CDH13: variants seen among roughly 807,000 people sequenced by gnomAD.
CDH13 encodes the protein cadherin 13, also known as cadherin-13.
Under a neutral mutation model 63.8 loss-of-function variants are expected in CDH13, and 24 were observed. The ratio of observed to expected loss-of-function variants is 0.38; its 90% CI spans 0.27 to 0.53. The LOEUF is 0.53. Ranked by LOEUF, CDH13 falls within the 20% of genes least tolerant of loss-of-function variation. The probability of loss-of-function intolerance (pLI) is 0.85; values close to 1 mark genes in which losing one functional copy is unlikely to be tolerated. For missense variants in CDH13, 1,049 were observed against 903.1 expected, an observed-to-expected ratio of 1.16 and a Z score of -2.07; for synonymous variants, 503 against 355.3, an observed-to-expected ratio of 1.42 and a Z score of -4.67.
chr16:83,124,642 G>C (rs1597378318), intron 3 of CDH13, among the ~76,000 whole-genome samples: 1 of 151,790 alleles, frequency 6.6e-6, no homozygotes, highest in Non-Finnish European at 1.5e-5. Flanking sequence ...TATAGTTGCA[G>C]GTCTTATGTT....
chr16:83,625,194 G>A (rs578112298), intron 8 of CDH13, among the ~76,000 whole-genome samples: 2 of 152,062 alleles, frequency 1.3e-5, no homozygotes, highest in South Asian at 2.1e-4. Flanking sequence ...GTGCTCATGT[G>A]TGTGTGTGCA....
At position 83,762,509 on chromosome 16, in the gene CDH13, A is replaced by G. The variant is rs1914057932; in HGVS notation, c.1681+14259A>G. Among the ~76,000 whole-genome samples, 5 of 152,354 alleles carry G rather than the reference A, an allele frequency of 3.3e-5. No individual in the cohort carries two copies. In the South Asian group the frequency reaches 1.0e-3, roughly 32 times the overall value. On this transcript the variant is annotated intron_variant, in intron 11 of 13. Transcript: ENST00000567109. ...AAGGCAGTAGCAATTAGCACTGGCCAAATCCCAGTGTCAATACCACTCCTG... is the reference window on the plus strand; with the variant it reads ...AAGGCAGTAGCAATTAGCACTGGCCGAATCCCAGTGTCAATACCACTCCTG...
chr16:82,854,025 C>T (rs180990462), intron 1 of CDH13, among the ~76,000 whole-genome samples: 24 of 152,166 alleles, frequency 1.6e-4, no homozygotes, highest in African/African-American at 4.6e-4. Flanking sequence ...ATCCCCTTAC[C>T]AAAGTTACTG....
At chr16:82,972,135 G>A (rs534843107) in intron 2 of CDH13, among the ~76,000 whole-genome samples, 1 of 152,286 alleles carries the variant, frequency 6.6e-6, no homozygotes, top group East Asian at 1.9e-4. Flanking sequence ...ATTGAAATTT[G>A]GGGACACTGA....
intron 5 of CDH13, among the ~76,000 whole-genome samples, chr16:83,286,648 T>TG (rs907758109): frequency 5.3e-5 from 8 of 151,240 alleles, no homozygotes; most frequent in Non-Finnish European, 1.2e-4. Context: ...CCCAGCTACT[T>TG]GGGGGGCTGA....
At chr16:83,452,847 A>G (rs1438590474) in intron 6 of CDH13, among the ~76,000 whole-genome samples, 1 of 152,196 alleles carries the variant, frequency 6.6e-6, no homozygotes, top group Admixed American at 6.5e-5. Context: ...TCTCTTTCTC[A>G]TATTATTAGT....
At chr16:83,561,426 C>CA (rs5818456) in intron 7 of CDH13, among the ~76,000 whole-genome samples, 26 of 114,114 alleles carry the variant, frequency 2.3e-4, no homozygotes, top group Non-Finnish European at 2.7e-4. Flanking sequence ...AACACCATCT[C>CA]AAAAAAAAAA....
chr16:83,204,278 T>C (rs544280814), intron 4 of CDH13, among the ~76,000 whole-genome samples: 1 of 152,316 alleles, frequency 6.6e-6, no homozygotes, highest in Admixed American at 6.5e-5. Context: ...TCCAAAATCT[T>C]TATCTAGCAG....
intron 7 of CDH13, among the ~76,000 whole-genome samples, chr16:83,595,253 C>T (rs1255108327): frequency 1.3e-5 from 2 of 152,182 alleles, no homozygotes; most frequent in Non-Finnish European, 2.9e-5. Context: ...AATGACTTTG[C>T]TTTGGAAATG....
intron 3 of CDH13, among the ~76,000 whole-genome samples, chr16:83,085,474 T>A (rs1451090847): frequency 6.6e-6 from 1 of 152,144 alleles, no homozygotes; most frequent in African/African-American, 2.4e-5. Flanking sequence ...TCAGCAAGAC[T>A]GGGAGAATGT....
chr16:82,776,759 G>T (rs2035516977), intron 1 of CDH13, among the ~76,000 whole-genome samples: 1 of 152,148 alleles, frequency 6.6e-6, no homozygotes, highest in African/African-American at 2.4e-5. Flanking sequence ...ACTGATTTGA[G>T]GTGGCTTCAT....
intron 6 of CDH13, among the ~76,000 whole-genome samples, chr16:83,426,354 C>T (rs1379807668): frequency 6.6e-6 from 1 of 152,186 alleles, no homozygotes; most frequent in African/African-American, 2.4e-5. Flanking sequence ...CTCTCCCCCT[C>T]ATTTGAGAAG....
rs143028501 is a variant in CDH13 at position 83,151,703 on chromosome 16, G to A, written c.483+26202G>A. On this transcript the variant is annotated intron_variant, in intron 4 of 13. Coordinates refer to ENST00000567109, the MANE Select transcript of CDH13 (RefSeq NM_001257.5). ...CAGTAGGCCAGGCACAGTGGTTCAC[G>A]CCTGTAATCCCAGCACTTTCTGAGG... Among the ~76,000 whole-genome samples the A allele has an allele frequency of 5.0e-3, 766 of 152,288 alleles. 5 individuals carry two copies. Among genetic ancestry groups the A allele is most frequent in the Non-Finnish European group, 9.0e-3 (612 of 68,016 alleles).
rs531547238 is a variant in CDH13, at chr16:83,595,708, T to C, written c.961-6746T>C. On this transcript the variant is annotated intron_variant, in intron 7 of 13. Transcript: ENST00000567109. ...TACATAACTTCTGCTCACGTTCCAC[T>C]GACCGCAATCAGCCACACAAGTCCA... 1.8e-3 allele frequency among the ~76,000 whole-genome samples: 277 copies of C among 152,368 alleles called. 3 individuals are homozygous for C. The highest frequency in any genetic ancestry group is 2.5e-3 in the Non-Finnish European group (168 of 68,038).
chr16:83,759,246 C>A (rs1597188356), intron 11 of CDH13, among the ~76,000 whole-genome samples: 1 of 152,178 alleles, frequency 6.6e-6, no homozygotes, highest in South Asian at 2.1e-4. Flanking sequence ...TCCACACATA[C>A]CCAGTTTCTG....
chr16:83,251,994 A>G (rs1444508003), intron 5 of CDH13, among the ~76,000 whole-genome samples: 2 of 151,634 alleles, frequency 1.3e-5, no homozygotes, highest in African/African-American at 4.8e-5. Context: ...TCCTGTATTG[A>G]CTGATCCCCG....
chr16:83,397,221 C>G (rs1458504209), intron 6 of CDH13: 1 of 152,186 alleles, frequency 6.6e-6, no homozygotes, highest in Non-Finnish European at 1.5e-5. Flanking sequence ...TAGTACATTT[C>G]TCACTTTGAT....
chr16:82,684,269 C>A (rs1368383637), intron 1 of CDH13, among the ~76,000 whole-genome samples: 1 of 152,152 alleles, frequency 6.6e-6, no homozygotes. Context: ...TGAGAGTAAA[C>A]CATGGTGTCT....
chr16:82,635,365 G>T (rs1479104103), intron 1 of CDH13, among the ~76,000 whole-genome samples: 1 of 152,216 alleles, frequency 6.6e-6, no homozygotes, highest in Non-Finnish European at 1.5e-5. Flanking sequence ...AGAGGGTGTG[G>T]GTGGGGAAAG....
Sources: allele counts gnomAD v4.1 joint callset (sites outside exome capture counted in the v4.1 genomes callset), GRCh38; gene constraint gnomAD v4.1.1; transcripts MANE v1.5; gene names NCBI Gene and HGNC (gene_info 2026-07-23, HGNC 2026-07-21).